Variants in USH2A observed in about 807,000 individuals in gnomAD.
USH2A encodes Usher syndrome 2A (autosomal recessive, mild).
A neutral mutation model predicts 538.9 loss-of-function variants in USH2A; 443 were observed. That is an observed-to-expected ratio of 0.82 (90% confidence interval 0.76 to 0.89). The LOEUF (loss-of-function observed/expected upper bound fraction) is 0.89, where lower values mean the gene tolerates loss of function less well. Ranked by LOEUF, USH2A falls within the 40% of genes least tolerant of loss-of-function variation. USH2A has a pLI of 0.00. For missense variants in USH2A, 6,633 were observed against 6,324.8 expected, an observed-to-expected ratio of 1.05 and a Z score of -1.65; for synonymous variants, 2,413 against 2,273.5, an observed-to-expected ratio of 1.06 and a Z score of -1.75.
chr1:216,212,443 A>G (rs1178896504), intron 15 of USH2A, among the ~76,000 whole-genome samples: 1 of 152,180 alleles, frequency 6.6e-6, no homozygotes, highest in Non-Finnish European at 1.5e-5. Flanking sequence ...TTCACTCATC[A>G]AAATTGCCAA....
Position 215,639,253 on chromosome 1 carries a change from G to C in USH2A, c.14969-15C>G. ...GAAAAAGAAGGCTAGACAAAAGGAA[G>C]AACTGGTAAATGACTTGTTCATTCA... On this transcript the variant is annotated splice_polypyrimidine_tract_variant and intron_variant, in intron 68 of 71. Coordinates refer to ENST00000307340, the MANE Select transcript of USH2A (RefSeq NM_206933.4). 1.9e-6 allele frequency: 3 copies of C among 1,613,886 alleles called. No homozygotes were observed. Among genetic ancestry groups the C allele is most frequent in the Non-Finnish European group, 2.5e-6 (3 of 1,179,824 alleles).
intron 64 of USH2A, 121 bp from the exon 65 acceptor site, chr1:215,650,922 G>T: frequency 2.9e-6 from 3 of 1,051,608 alleles, no homozygotes; most frequent in Non-Finnish European, 2.8e-6. Context: ...ACAACAGGAA[G>T]AGATAAACTT....
chr1:215,953,641 A>T (rs2102443453), intron 37 of USH2A, among the ~76,000 whole-genome samples: 1 of 152,178 alleles, frequency 6.6e-6, no homozygotes, highest in East Asian at 1.9e-4. Flanking sequence ...ACCATTCAGG[A>T]CATAGGCATG....
chr1:216,060,875 G>A (rs1288858364), intron 30 of USH2A, among the ~76,000 whole-genome samples: 1 of 152,158 alleles, frequency 6.6e-6, no homozygotes, highest in Non-Finnish European at 1.5e-5. Context: ...GAGGGGAAAC[G>A]CCAGTCCTGT....
At chr1:215,697,921 G>T (rs1658871627) in intron 61 of USH2A, among the ~76,000 whole-genome samples, 1 of 152,222 alleles carries the variant, frequency 6.6e-6, no homozygotes, top group Non-Finnish European at 1.5e-5. Context: ...CTGGTTTGCT[G>T]CACCCATCAG....
intron 32 of USH2A, among the ~76,000 whole-genome samples, chr1:216,036,584 A>G (rs1299732694): frequency 6.6e-6 from 1 of 152,140 alleles, no homozygotes; most frequent in African/African-American, 2.4e-5. Flanking sequence ...ACAACATTAC[A>G]TTGTTGGAAA....
intron 14 of USH2A, among the ~76,000 whole-genome samples, chr1:216,225,516 T>A (rs537846126): frequency 6.6e-6 from 1 of 152,292 alleles, no homozygotes; most frequent in South Asian, 2.1e-4. Flanking sequence ...ATCCTGCTGA[T>A]CTCCTTGGGT....
chr1:215,799,231 G>A (rs2102778949), intron 49 of USH2A, 106 bp from the exon 50 acceptor site: 1 of 1,277,460 alleles, frequency 7.8e-7, no homozygotes, highest in East Asian at 2.5e-5. Context: ...CTGATTGACA[G>A]AATTACTAAA....
intron 11 of USH2A, among the ~76,000 whole-genome samples, chr1:216,286,330 A>T (rs1328687497): frequency 6.6e-6 from 1 of 152,054 alleles, no homozygotes; most frequent in Non-Finnish European, 1.5e-5. Context: ...CTCACTCGGC[A>T]CTTCTCTCTT....
chr1:215,796,986 T>C (rs1353693192), intron 50 of USH2A, among the ~76,000 whole-genome samples: 1 of 152,208 alleles, frequency 6.6e-6, no homozygotes, highest in African/African-American at 2.4e-5. Context: ...TGACAAATCT[T>C]GTGGGTCTTA....
chr1:215,843,255 G>A (rs181764093), intron 46 of USH2A, among the ~76,000 whole-genome samples: 373 of 152,190 alleles, frequency 2.5e-3, no homozygotes, highest in Non-Finnish European at 3.9e-3. Flanking sequence ...ATTATCTTAC[G>A]AAGCTCTTAT....
At chr1:216,042,135 A>G (rs2030301066) in intron 32 of USH2A, among the ~76,000 whole-genome samples, 1 of 152,070 alleles carries the variant, frequency 6.6e-6, no homozygotes, top group Non-Finnish European at 1.5e-5. Flanking sequence ...AACATTTCAA[A>G]ATATTTTTAC....
intron 49 of USH2A, among the ~76,000 whole-genome samples, chr1:215,802,379 G>A (rs918673185): frequency 2.0e-5 from 3 of 152,014 alleles, no homozygotes; most frequent in Admixed American, 6.6e-5. Context: ...TAAGGAAGTA[G>A]TATCCAGAAT....
intron 60 of USH2A, 36 bp from the exon 61 acceptor site, chr1:215,728,420 G>A: frequency 6.3e-7 from 1 of 1,596,028 alleles, no homozygotes; most frequent in Non-Finnish European, 8.6e-7. Context: ...AGTGACAGCT[G>A]CACACTTCAA....
At chr1:215,769,550 C>T (rs1193114101) in intron 55 of USH2A, among the ~76,000 whole-genome samples, 1 of 152,156 alleles carries the variant, frequency 6.6e-6, no homozygotes, top group Non-Finnish European at 1.5e-5. Flanking sequence ...AGGCATGGTA[C>T]AGCAGTAGAG....
intron 55 of USH2A, among the ~76,000 whole-genome samples, chr1:215,767,220 T>A (rs1217673693): frequency 6.6e-6 from 1 of 152,174 alleles, no homozygotes; most frequent in African/African-American, 2.4e-5. Context: ...CCTGGGGACA[T>A]ATAGAACAAA....
chr1:216,226,701 G>A (rs916475921), intron 14 of USH2A, among the ~76,000 whole-genome samples: 1 of 152,140 alleles, frequency 6.6e-6, no homozygotes, highest in African/African-American at 2.4e-5. Context: ...TTATTAACCT[G>A]TAGTCCACAG....
Position 216,175,501 on chromosome 1 carries a change from C to T in USH2A, c.4397-19G>A, listed in dbSNP as rs1422101261. 3 of 1,612,124 alleles carry T rather than the reference C, an allele frequency of 1.9e-6. No homozygotes were observed. Among genetic ancestry groups the T allele is most frequent in the Middle Eastern group, 1.7e-4 (1 of 6,010 alleles). On this transcript the variant is annotated intron_variant, in intron 20 of 71. Coordinates refer to ENST00000307340, the MANE Select transcript of USH2A (RefSeq NM_206933.4). ...GCTGGTGCTAAATATTAGAAAACAC[C>T]TGTTATATTCAAGAATTTGGTTTCT...
intron 61 of USH2A, among the ~76,000 whole-genome samples, chr1:215,725,827 G>A (rs1659800633): frequency 6.6e-6 from 1 of 152,176 alleles, no homozygotes; most frequent in Admixed American, 6.6e-5. Flanking sequence ...CCATACACTT[G>A]CCTCTTTTCA....
Sources: gnomAD v4.1 joint callset for allele counts (sites outside exome capture counted in the v4.1 genomes callset) on GRCh38, gnomAD v4.1.1 for gene constraint, MANE v1.5 for transcripts, NCBI Gene and HGNC (gene_info 2026-07-23, HGNC 2026-07-21) for gene names.